CFLAR: variants seen among roughly 807,000 people sequenced by gnomAD.
CFLAR encodes CASP8 and FADD-like apoptosis regulator.
A neutral mutation model predicts 51.1 loss-of-function variants in CFLAR; 14 were observed. The ratio of observed to expected loss-of-function variants is 0.27; its 90% CI spans 0.18 to 0.43. The LOEUF is 0.43. CFLAR is among the 20% of genes least tolerant of loss of function. The pLI is 1.00. For missense variants in CFLAR, 390 were observed against 566.5 expected (o/e 0.69, Z 3.16); for synonymous variants, 210 against 211.6 (o/e 0.99, Z 0.06).
At chr2:201,123,581 C>T (rs1199645158) in intron 1 of CFLAR, among the ~76,000 whole-genome samples, 1 of 152,200 alleles carries the variant, frequency 6.6e-6, no homozygotes, top group Non-Finnish European at 1.5e-5. Context: ...AGGGAGGCGC[C>T]TCCAGGGAAT....
At chr2:201,125,927 G>A (rs1258564217) in intron 1 of CFLAR, among the ~76,000 whole-genome samples, 1 of 152,136 alleles carries the variant, frequency 6.6e-6, no homozygotes, top group African/African-American at 2.4e-5. Flanking sequence ...CTGGGACTGA[G>A]GGGTTTCCTG....
At chr2:201,136,349 T>C (rs1559197133) in intron 4 of CFLAR, 1 of 1,598,472 alleles carries the variant, frequency 6.3e-7, no homozygotes, top group Non-Finnish European at 8.5e-7. Context: ...TTCTTAACAT[T>C]TCAGTCTTCA....
At position 201,171,287 on chromosome 2, in the gene CFLAR, A is replaced by G. The variant is rs938750382; in HGVS notation, c.*7314A>G. On this transcript the variant is annotated 3_prime_UTR_variant, in exon 10 of 10. Transcript: ENST00000309955. ...TGTAACCAGATACCACCTGTTCCCC[A>G]AACACCTATGGAAATAATTTTGTTT... 5.3e-5 allele frequency: 8 copies of G among 152,190 alleles called. No homozygotes were observed. Among genetic ancestry groups the G allele is most frequent in the Admixed American group, 1.3e-4 (2 of 15,278 alleles). 9.4% of individuals were successfully genotyped at this position (152,190 alleles called of 1,614,324 possible). A position where few individuals can be genotyped will look rare whatever the true frequency, so the allele number is the denominator to read the frequency against.
At chr2:201,139,861 C>T (rs1051024927) in intron 4 of CFLAR, 1 of 153,566 alleles carries the variant, frequency 6.5e-6, no homozygotes, top group Non-Finnish European at 1.5e-5. Flanking sequence ...CCCCTGGGCC[C>T]CCTTTTTTCT....
At chr2:201,135,860 C>T in intron 3 of CFLAR, 112 bp from the exon 4 acceptor site, 5 of 1,437,736 alleles carry the variant, frequency 3.5e-6, no homozygotes, top group Admixed American at 4.5e-5. Flanking sequence ...CTCTTGGGCT[C>T]AAGCAGTCTT....
At chr2:201,153,018 G>A (rs1941536010) in intron 8 of CFLAR, 1 of 152,222 alleles carries the variant, frequency 6.6e-6, no homozygotes, top group Non-Finnish European at 1.5e-5. Context: ...GTCCTTCCTG[G>A]TCAGACATAG....
chr2:201,137,965 C>A, intron 4 of CFLAR: 1 of 753,600 alleles, frequency 1.3e-6, no homozygotes. Flanking sequence ...GTCTGGATGC[C>A]ACCATCGGCT....
rs990263658 is a variant in CFLAR at position 201,170,461 on chromosome 2, A to G, written c.*6488A>G. ...ATAAATGGATGTTTCTCCATGGATGAAGGAACTGTTTTATTCACTTGCTGA... is the reference window on the plus strand; with the variant it reads ...ATAAATGGATGTTTCTCCATGGATGGAGGAACTGTTTTATTCACTTGCTGA... On this transcript the variant is annotated 3_prime_UTR_variant, in exon 10 of 10. Transcript: ENST00000309955. 2.6e-5 allele frequency: 4 copies of G among 152,218 alleles called. No homozygotes were observed. The highest frequency in any genetic ancestry group is 5.9e-5 in the Non-Finnish European group (4 of 68,026). The allele number at this position is 152,218 out of a possible 1,614,324, so 9.4% of individuals were successfully genotyped here.
rs1346833243 is a variant in CFLAR, at chr2:201,167,020, G to A, written c.*3047G>A. On this transcript the variant is annotated 3_prime_UTR_variant, in exon 10 of 10. Coordinates refer to ENST00000309955, the MANE Select transcript of CFLAR (RefSeq NM_003879.7). The stretch of plus-strand genomic sequence containing the variant: ...AATTTTTTAAAATTGCTGAACAGGG[G>A]TACCTCTGGGCAGTGTGTCAGAATA... The A allele has an allele frequency of 6.6e-6, 1 of 152,084 alleles. No individual in the cohort carries two copies. Among genetic ancestry groups the A allele is most frequent in the Non-Finnish European group, 1.5e-5 (1 of 68,036 alleles). 9.4% of individuals were successfully genotyped at this position (152,084 alleles called of 1,614,324 possible). A position where few individuals can be genotyped will look rare whatever the true frequency, so the allele number is the denominator to read the frequency against.
Position 201,131,115 on chromosome 2 carries a change from A to G in CFLAR, c.281+969A>G, listed in dbSNP as rs573292545. On this transcript the variant is annotated intron_variant, in intron 2 of 9. Coordinates refer to ENST00000309955, the MANE Select transcript of CFLAR (RefSeq NM_003879.7). ...ACTGGAGTCTGCTTTAGTTCCCACA[A>G]GCTTTGGGTTGCTCCTTCCTCCTGT... Among the ~76,000 whole-genome samples the G allele has an allele frequency of 3.3e-5, 5 of 152,324 alleles. No homozygotes were observed. In the East Asian group the frequency reaches 5.8e-4, roughly 18 times the overall value.
intron 3 of CFLAR, among the ~76,000 whole-genome samples, chr2:201,134,514 A>G (rs1346508791): frequency 2.6e-5 from 4 of 151,758 alleles, no homozygotes; most frequent in African/African-American, 9.7e-5. Context: ...GGGCGCCTGT[A>G]ATCCCAGCTA....
chr2:201,148,548 C>T (rs1940687198), intron 6 of CFLAR: 1 of 153,256 alleles, frequency 6.5e-6, no homozygotes, highest in African/African-American at 2.4e-5. Context: ...ACTATGAAAA[C>T]AGTGCCATCT....
intron 5 of CFLAR, 33 bp from the exon 6 acceptor site, chr2:201,145,345 C>T (rs1412427831): frequency 7.4e-7 from 1 of 1,343,048 alleles, no homozygotes; most frequent in South Asian, 1.2e-5. Context: ...AAATAACTAA[C>T]AGGAAGTATG....
At chr2:201,121,986 A>G (rs138485793) in intron 1 of CFLAR, among the ~76,000 whole-genome samples, 27 of 152,342 alleles carry the variant, frequency 1.8e-4, no homozygotes, top group South Asian at 1.7e-3. Context: ...GTGACATCAG[A>G]TGGTTTAGAT....
intron 8 of CFLAR, among the ~76,000 whole-genome samples, chr2:201,151,471 G>A (rs1367225294): frequency 2.6e-5 from 4 of 152,080 alleles, no homozygotes; most frequent in African/African-American, 9.7e-5. Flanking sequence ...GGTCAAATTA[G>A]CAAATATAAT....
Position 201,168,306 on chromosome 2 carries a change from C to A in CFLAR, c.*4333C>A, listed in dbSNP as rs1435327722. On this transcript the variant is annotated 3_prime_UTR_variant, in exon 10 of 10. Coordinates refer to ENST00000309955, the MANE Select transcript of CFLAR (RefSeq NM_003879.7). ...GAATGTTGGCTTCATCCCTGGGATG[C>A]AAGGCTGGTTCAACATACGCAAATC... 1.3e-5 allele frequency: 2 copies of A among 152,080 alleles called. No homozygotes were observed. Among genetic ancestry groups the A allele is most frequent in the Non-Finnish European group, 2.9e-5 (2 of 68,008 alleles). 9.4% of individuals were successfully genotyped at this position (152,080 alleles called of 1,614,324 possible).
intron 9 of CFLAR, among the ~76,000 whole-genome samples, chr2:201,161,832 C>T (rs574532687): frequency 9.9e-5 from 15 of 150,990 alleles, no homozygotes; most frequent in South Asian, 4.2e-4. Flanking sequence ...CTGCAACCTC[C>T]GCCTGCTGGG....
rs1161244522 is a variant in CFLAR, at chr2:201,160,698, A to T, written c.1060A>T (p.Met354Leu). 6.2e-7 allele frequency: 1 copy of T among 1,614,038 alleles called. No homozygotes were observed. The highest frequency in any genetic ancestry group is 8.5e-7 in the Non-Finnish European group (1 of 1,180,014). ...CCCTTATCTAGCAGGGAAGCCAAAGATGTTTTTTATTCAGAACTATGTGGT... is the reference window on the plus strand; with the variant it reads ...CCCTTATCTAGCAGGGAAGCCAAAGTTGTTTTTTATTCAGAACTATGTGGT... ...SCPYLAGKPK[M>L]FFIQNYVVSE... is the part of the protein sequence containing the mutation. Residue 354 changes from methionine to leucine, a missense_variant, in exon 9 of 10, where the codon ATG becomes TTG. By Grantham distance (15) the Met-to-Leu change is conservative. Around this residue, in one of 2 missense-constraint regions of CFLAR, gnomAD observed 287 missense variants for 363.6 expected, o/e 0.79. Transcript: ENST00000309955.
At chr2:201,126,942 G>T (rs954357756) in intron 1 of CFLAR, among the ~76,000 whole-genome samples, 3 of 152,198 alleles carry the variant, frequency 2.0e-5, no homozygotes, top group Non-Finnish European at 2.9e-5. Context: ...ACAGAAATTG[G>T]TCTCAAGTTT....
Sources: allele counts gnomAD v4.1 joint callset (sites outside exome capture counted in the v4.1 genomes callset), GRCh38; gene constraint gnomAD v4.1.1; regional missense constraint gnomAD v4.1.1; transcripts MANE v1.5; gene names NCBI Gene and HGNC (gene_info 2026-07-23, HGNC 2026-07-21).